The following TMEM132C variants were observed in gnomAD, a reference collection of about 807,000 sequenced individuals.
TMEM132C encodes transmembrane protein 132C, also known as protein phosphatase 1, regulatory subunit 152.
TMEM132C carries 29 observed loss-of-function variants against 61.4 expected under a neutral mutation model. The observed-to-expected ratio is 0.47, with a 90% CI of 0.35 to 0.64. The LOEUF is 0.64. Ranked by LOEUF, TMEM132C falls within the 30% of genes least tolerant of loss-of-function variation. The pLI is 0.00. For synonymous variants in TMEM132C, 656 were observed against 633.1 expected, an observed-to-expected ratio of 1.04 and a Z score of -0.54; for missense variants, 1,408 against 1,476.9, an observed-to-expected ratio of 0.95 and a Z score of 0.76.
chr12:128,318,928 T>C (rs61938411), intron 1 of TMEM132C, among the ~76,000 whole-genome samples: 15,366 of 152,198 alleles, frequency 0.1, 1,054 homozygotes, highest in Admixed American at 0.21. Flanking sequence ...GGGGATCCTT[T>C]CTTATCATGG....
chr12:128,664,605 C>T (rs545876755), intron 4 of TMEM132C, among the ~76,000 whole-genome samples: 3 of 152,266 alleles, frequency 2.0e-5, no homozygotes, highest in Admixed American at 6.5e-5. Context: ...CTACTGGGGT[C>T]GGCAGGAATT....
chr12:128,502,127 T>A (rs1279697084), intron 2 of TMEM132C, among the ~76,000 whole-genome samples: 1 of 152,176 alleles, frequency 6.6e-6, no homozygotes, highest in Non-Finnish European at 1.5e-5. Flanking sequence ...GCAGCCAGGG[T>A]TGGCACTGCC....
chr12:128,628,143 C>T (rs1318850769), intron 4 of TMEM132C, among the ~76,000 whole-genome samples: 3 of 152,202 alleles, frequency 2.0e-5, no homozygotes, highest in African/African-American at 7.2e-5. Context: ...CATCATCTCA[C>T]ACCTGGATGT....
rs898376462 is a variant in TMEM132C, at chr12:128,698,978, G to A, written c.2121+1563G>A. Among the ~76,000 whole-genome samples the A allele has an allele frequency of 2.6e-5, 4 of 152,338 alleles. No homozygotes were observed. In the South Asian group the frequency reaches 6.2e-4, roughly 24 times the overall value. On this transcript the variant is annotated intron_variant, in intron 8 of 8. Transcript: ENST00000435159. ...AGAACAGAGAGCAGTGATGGTTAAG[G>A]GAGCAGGCATGATGACAAAGTCTAG...
intron 2 of TMEM132C, among the ~76,000 whole-genome samples, chr12:128,523,854 T>TA (rs1178606544): frequency 1.1e-3 from 149 of 135,672 alleles, no homozygotes; most frequent in African/African-American, 3.7e-3. Context: ...CAAATAATAA[T>TA]AAAAAAAAAT....
At chr12:128,473,450 TCA>T (rs1211551399) in intron 2 of TMEM132C, among the ~76,000 whole-genome samples, 1 of 151,764 alleles carries the variant, frequency 6.6e-6, no homozygotes, top group Admixed American at 6.6e-5. Flanking sequence ...ATCTTTATCC[TCA>T]CGCCAGCCTC....
At chr12:128,497,208 G>A (rs926836840) in intron 2 of TMEM132C, among the ~76,000 whole-genome samples, 87 of 152,206 alleles carry the variant, frequency 5.7e-4, no homozygotes, top group Non-Finnish European at 1.1e-3. Flanking sequence ...GTCTCAGAGG[G>A]GTACCCAGCC....
chr12:128,296,594 A>T (rs113788080), intron 1 of TMEM132C, among the ~76,000 whole-genome samples: 75 of 152,256 alleles, frequency 4.9e-4, no homozygotes, highest in African/African-American at 1.7e-3. Context: ...TCATATTTAG[A>T]GCACAGAGCC....
chr12:128,387,803 G>A (rs1215754228), intron 1 of TMEM132C, among the ~76,000 whole-genome samples: 5 of 152,098 alleles, frequency 3.3e-5, no homozygotes, highest in Non-Finnish European at 1.5e-5. Flanking sequence ...GTGAGAATCT[G>A]TCTAAAAAGA....
chr12:128,523,811 G>GGAAAAA (rs397816205), intron 2 of TMEM132C, among the ~76,000 whole-genome samples: 2 of 100,072 alleles, frequency 2.0e-5, no homozygotes, highest in Admixed American at 1.1e-4. Flanking sequence ...ACAAGCCCAG[G>GGAAAAA]AAAAAAAAAA....
chr12:128,425,529 C>T (rs1345296554), intron 2 of TMEM132C, among the ~76,000 whole-genome samples: 1 of 152,232 alleles, frequency 6.6e-6, no homozygotes, highest in Non-Finnish European at 1.5e-5. Context: ...TGCCTCAAAG[C>T]AGAAGGATGC....
chr12:128,513,400 G>C (rs1365743781), intron 2 of TMEM132C, among the ~76,000 whole-genome samples: 2 of 152,112 alleles, frequency 1.3e-5, no homozygotes, highest in African/African-American at 4.8e-5. Context: ...ATCTCATTAC[G>C]TACTCTAACA....
Position 128,701,892 on chromosome 12 carries a change from T to G in TMEM132C, c.2122-3198T>G, listed in dbSNP as rs530059204. 4.0e-4 allele frequency among the ~76,000 whole-genome samples: 21 copies of G among 52,556 alleles called. No individual in the cohort carries two copies. The East Asian group carries it at 0.022, about 55-fold the overall frequency. The allele number at this position is 52,556 out of a possible 152,430, so 34.5% of individuals were successfully genotyped here. On this transcript the variant is annotated intron_variant, in intron 8 of 8. Transcript: ENST00000435159. ...CCTTCCTGCTCTGCTTCCATTCGCT[T>G]CTTCTTCTTTTTTTTTTTTTTTTTT... is the stretch of plus-strand genomic sequence containing the variant.
Position 128,706,376 on chromosome 12 carries a change from T to C in TMEM132C, c.*81T>C, listed in dbSNP as rs1469963633. The C allele has an allele frequency of 1.4e-6, 2 of 1,437,218 alleles. No homozygotes were observed. The highest frequency in any genetic ancestry group is 1.8e-6 in the Non-Finnish European group (2 of 1,098,162). 89.0% of individuals were successfully genotyped at this position (1,437,218 alleles called of 1,614,324 possible). ...CAAGTGGGGCAGAAGGCGTTGTCAG[T>C]GGGGTTAAGAAGGGACGGTCCCAGG... is the stretch of plus-strand genomic sequence containing the variant. On this transcript the variant is annotated 3_prime_UTR_variant, in exon 9 of 9. Coordinates refer to ENST00000435159, the MANE Select transcript of TMEM132C (RefSeq NM_001136103.3).
intron 4 of TMEM132C, among the ~76,000 whole-genome samples, chr12:128,618,219 A>G (rs1432693642): frequency 3.3e-5 from 5 of 152,216 alleles, no homozygotes; most frequent in East Asian, 3.8e-4. Context: ...AGGAAAAGCC[A>G]TCTTAAGAGT....
chr12:128,666,943 G>A (rs1954483607), intron 4 of TMEM132C, among the ~76,000 whole-genome samples: 1 of 152,208 alleles, frequency 6.6e-6, no homozygotes, highest in Non-Finnish European at 1.5e-5. Flanking sequence ...GGTGGCCGGT[G>A]CCTGTAGTCC....
At chr12:128,445,961 T>C (rs1320864308) in intron 2 of TMEM132C, among the ~76,000 whole-genome samples, 1 of 152,226 alleles carries the variant, frequency 6.6e-6, no homozygotes, top group Non-Finnish European at 1.5e-5. Context: ...ACTTAATCTC[T>C]GTCATCTACA....
At chr12:128,629,975 A>G (rs1022523196) in intron 4 of TMEM132C, among the ~76,000 whole-genome samples, 1 of 151,936 alleles carries the variant, frequency 6.6e-6, no homozygotes, top group African/African-American at 2.4e-5. Flanking sequence ...TAAATTAAAA[A>G]AAAAAAAAAA....
At chr12:128,631,054 G>A (rs1003553718) in intron 4 of TMEM132C, among the ~76,000 whole-genome samples, 1 of 152,058 alleles carries the variant, frequency 6.6e-6, no homozygotes, top group African/African-American at 2.4e-5. Context: ...TAATAATAAT[G>A]TGTATGTTTT....
Sources: allele counts gnomAD v4.1 joint callset (sites outside exome capture counted in the v4.1 genomes callset), GRCh38; gene constraint gnomAD v4.1.1; transcripts MANE v1.5; gene names NCBI Gene and HGNC (gene_info 2026-07-23, HGNC 2026-07-21).